Variants in QKI observed in about 807,000 individuals in gnomAD.
QKI encodes the protein KH domain-containing RNA-binding protein QKI.
In QKI, 10 loss-of-function variants were observed where a neutral mutation model predicts 39.0. That is an observed-to-expected ratio of 0.26 (90% CI 0.16 to 0.43). The LOEUF is 0.43. Among genes scored for constraint, QKI ranks in the 20% least tolerant of loss-of-function variants. QKI has a pLI of 1.00. For synonymous variants in QKI, 204 were observed against 155.4 expected, an observed-to-expected ratio of 1.31 and a Z score of -2.33; for missense variants, 218 against 428.0, an observed-to-expected ratio of 0.51 and a Z score of 4.33.
intron 4 of QKI, among the ~76,000 whole-genome samples, chr6:163,556,058 G>A (rs1422685832): frequency 6.6e-6 from 1 of 152,176 alleles, no homozygotes; most frequent in Non-Finnish European, 1.5e-5. Flanking sequence ...TGCCTACCCT[G>A]CCTGAGCCTC....
At chr6:163,535,419 C>T (rs901018071) in intron 4 of QKI, among the ~76,000 whole-genome samples, 12 of 152,032 alleles carry the variant, frequency 7.9e-5, no homozygotes, top group African/African-American at 2.9e-4. Flanking sequence ...TTCCCCATCT[C>T]TTCCCCCATC....
chr6:163,460,080 A>G (rs1200080504), intron 2 of QKI, among the ~76,000 whole-genome samples: 2 of 152,214 alleles, frequency 1.3e-5, no homozygotes, highest in African/African-American at 4.8e-5. Context: ...CCAGAGTAGT[A>G]GACTTGATAA....
At chr6:163,534,914 G>A (rs1465367202) in intron 3 of QKI, 68 bp from the exon 4 acceptor site, 9 of 1,225,854 alleles carry the variant, frequency 7.3e-6, no homozygotes, top group Non-Finnish European at 1.0e-5. Flanking sequence ...CAACAGGTTA[G>A]TATTATGAAA....
At chr6:163,495,227 C>A (rs985559174) in intron 3 of QKI, among the ~76,000 whole-genome samples, 2 of 152,162 alleles carry the variant, frequency 1.3e-5, no homozygotes, top group Admixed American at 6.5e-5. Flanking sequence ...AATAAGGTGT[C>A]TTTGAACAGA....
At chr6:163,459,170 G>A (rs1791157688) in intron 2 of QKI, among the ~76,000 whole-genome samples, 1 of 152,230 alleles carries the variant, frequency 6.6e-6, no homozygotes, top group Non-Finnish European at 1.5e-5. Flanking sequence ...AAAGCGGGCA[G>A]TGGCTGCTTA....
intron 7 of QKI, chr6:163,569,350 ATTACACCTTCTG>A: frequency 1.7e-6 from 2 of 1,204,494 alleles, no homozygotes; most frequent in Non-Finnish European, 2.1e-6. Context: ...TAAACTGAAC[ATTACACCTTCTG>A]GGCTTTGATT....
chr6:163,540,463 A>T (rs1194724845), intron 4 of QKI, among the ~76,000 whole-genome samples: 3 of 152,260 alleles, frequency 2.0e-5, no homozygotes, highest in East Asian at 3.9e-4. Context: ...ATGTTTAGTA[A>T]ATCAGTTCAA....
chr6:163,415,117 G>A lies in QKI; in HGVS notation c.-77G>A, dbSNP rs1048753497. ...CGGGTCCCGAGCGGCCCGCGGCCGG[G>A]GCTCGCCCCCGCCCCTCCCTCCTCT... On this transcript the variant is annotated 5_prime_UTR_variant, in exon 1 of 8. Coordinates refer to ENST00000361752, the MANE Select transcript of QKI (RefSeq NM_006775.3). 9.0e-7 allele frequency: 1 copy of A among 1,108,462 alleles called. No individual in the cohort carries two copies. The highest frequency in any genetic ancestry group is 1.7e-5 in the African/African-American group (1 of 58,200). 68.7% of individuals were successfully genotyped at this position (1,108,462 alleles called of 1,614,324 possible). A position where few individuals can be genotyped will look rare whatever the true frequency, so the allele number is the denominator to read the frequency against.
intron 7 of QKI, chr6:163,568,214 C>A (rs1783484320): frequency 1.0e-6 from 1 of 983,976 alleles, no homozygotes; most frequent in Non-Finnish European, 1.2e-6. Flanking sequence ...TTGCTAATGT[C>A]TACAATTGTT....
intron 7 of QKI, chr6:163,570,419 T>A: frequency 3.1e-6 from 3 of 981,956 alleles, no homozygotes; most frequent in Non-Finnish European, 3.6e-6. Flanking sequence ...AGTTGTATTT[T>A]ATTTCTATTT....
intron 4 of QKI, among the ~76,000 whole-genome samples, chr6:163,559,958 A>G (rs969226815): frequency 1.4e-4 from 21 of 152,340 alleles, no homozygotes; most frequent in African/African-American, 4.6e-4. Flanking sequence ...TCGATGATAC[A>G]TAAAAGTGGG....
chr6:163,479,999 A>G (rs993412764), intron 3 of QKI, among the ~76,000 whole-genome samples: 16 of 152,022 alleles, frequency 1.1e-4, no homozygotes, highest in Admixed American at 9.2e-4. Context: ...TTTAAAGTAT[A>G]TTGTTTCTGT....
chr6:163,561,852 CTTT>C (rs923273880), intron 4 of QKI, 127 bp from the exon 5 acceptor site: 1 of 595,612 alleles, frequency 1.7e-6, no homozygotes, highest in Non-Finnish European at 2.7e-6. Context: ...GGTTCTTGAT[CTTT>C]TTTTCCCCTT....
intron 3 of QKI, among the ~76,000 whole-genome samples, chr6:163,511,371 C>A (rs1477640489): frequency 6.6e-6 from 1 of 151,944 alleles, no homozygotes; most frequent in Admixed American, 6.6e-5. Flanking sequence ...ATAATAAATT[C>A]TTGAAATAGA....
chr6:163,560,895 A>AC (rs1782953214), intron 4 of QKI, among the ~76,000 whole-genome samples: 1 of 152,222 alleles, frequency 6.6e-6, no homozygotes, highest in Non-Finnish European at 1.5e-5. Context: ...GTAAATGGAA[A>AC]GAGTGGGACC....
chr6:163,503,218 G>A (rs1435976762), intron 3 of QKI, among the ~76,000 whole-genome samples: 1 of 146,488 alleles, frequency 6.8e-6, no homozygotes, highest in African/African-American at 2.5e-5. Context: ...ATGAGCTCAG[G>A]CAATCCACCT....
intron 3 of QKI, among the ~76,000 whole-genome samples, chr6:163,518,159 G>GA (rs1203490208): frequency 6.6e-6 from 1 of 152,052 alleles, no homozygotes; most frequent in Admixed American, 6.6e-5. Context: ...TATCTTAAAT[G>GA]GAAAAAAGCT....
chr6:163,525,346 T>C (rs9347758), intron 3 of QKI, among the ~76,000 whole-genome samples: 22,686 of 149,438 alleles, frequency 0.15, 2,174 homozygotes, highest in African/African-American at 0.26. Flanking sequence ...CTCTTCTTTC[T>C]TCTTTCCCTC....
chr6:163,446,079 T>A (rs1562441742), intron 1 of QKI, among the ~76,000 whole-genome samples: 1 of 152,258 alleles, frequency 6.6e-6, no homozygotes. Flanking sequence ...TTCATATTTT[T>A]GCTAACTAAT....
Sources: allele counts gnomAD v4.1 joint callset (sites outside exome capture counted in the v4.1 genomes callset), GRCh38; gene constraint gnomAD v4.1.1; transcripts MANE v1.5; gene names NCBI Gene and HGNC (gene_info 2026-07-23, HGNC 2026-07-21).